Variants in NTM observed in about 807,000 individuals in gnomAD.
The protein encoded by NTM is IgLON family member 2.
NTM carries 13 observed loss-of-function variants against 42.1 expected under a neutral mutation model. The observed-to-expected ratio is 0.31, with a 90% CI of 0.20 to 0.49. The LOEUF is 0.49. Among genes scored for constraint, NTM ranks in the 20% least tolerant of loss-of-function variants. The probability of loss-of-function intolerance (pLI) is 0.99; values close to 1 mark genes in which losing one functional copy is unlikely to be tolerated. For synonymous variants in NTM, 187 were observed against 179.2 expected (o/e 1.04, Z -0.35); for missense variants, 373 against 452.8 (o/e 0.82, Z 1.60).
chr11:131,620,861 C>T (rs367742810), intron 1 of NTM, among the ~76,000 whole-genome samples: 8 of 152,238 alleles, frequency 5.3e-5, no homozygotes, highest in African/African-American at 7.2e-5. Context: ...TTTTGTCTGT[C>T]GGTCCACTAA....
chr11:131,947,323 T>C (rs926274340), intron 2 of NTM, among the ~76,000 whole-genome samples: 8 of 152,144 alleles, frequency 5.3e-5, no homozygotes, highest in Admixed American at 1.3e-4. Flanking sequence ...TGATGCTACT[T>C]ATCCTCTGCA....
rs556989836 is a variant in NTM, at chr11:131,789,017, G to T, written c.83-122547G>T. ...CTTGAGTGTTTCCTTCCAGGGGGCC[G>T]GGGTCTCTGCGTGGAGCACTCTCTG... On this transcript the variant is annotated intron_variant, in intron 1 of 8. Transcript: ENST00000683400. Among the ~76,000 whole-genome samples, 8 of 152,160 alleles carry T rather than the reference G, an allele frequency of 5.3e-5. No individual in the cohort carries two copies. In the South Asian group the frequency reaches 1.7e-3, roughly 32 times the overall value.
intron 2 of NTM, among the ~76,000 whole-genome samples, chr11:132,012,355 T>C (rs567254206): frequency 2.1e-4 from 32 of 152,324 alleles, no homozygotes; most frequent in Admixed American, 1.1e-3. Context: ...TGTCTTGTCA[T>C]TCCCACTGTA....
intron 1 of NTM, among the ~76,000 whole-genome samples, chr11:131,759,921 G>C (rs1369387057): frequency 1.3e-5 from 2 of 151,642 alleles, no homozygotes; most frequent in Admixed American, 6.6e-5. Context: ...CGATGTGAGA[G>C]TGTTAATGAA....
intron 1 of NTM, chr11:131,769,563 T>C (rs2085697192): frequency 1.1e-5 from 11 of 971,180 alleles, no homozygotes; most frequent in Non-Finnish European, 1.3e-5. Context: ...TCAAAATATG[T>C]GTATCTCATT....
At chr11:131,573,403 C>T (rs1225368873) in intron 1 of NTM, 1 of 152,150 alleles carries the variant, frequency 6.6e-6, no homozygotes, top group Admixed American at 6.5e-5. Flanking sequence ...CATAAACTAG[C>T]CTATGTGATA....
intron 1 of NTM, among the ~76,000 whole-genome samples, chr11:131,463,230 C>A (rs1951571747): frequency 6.6e-6 from 1 of 152,216 alleles, no homozygotes; most frequent in Non-Finnish European, 1.5e-5. Context: ...TGAGCACAAG[C>A]CTTGCTCTCC....
At chr11:131,409,674 T>C (rs908580148) in intron 1 of NTM, among the ~76,000 whole-genome samples, 2 of 152,130 alleles carry the variant, frequency 1.3e-5, no homozygotes, top group African/African-American at 4.8e-5. Flanking sequence ...GGAAATATTG[T>C]CTATAAAAGC....
At chr11:132,050,007 C>G (rs1013540754) in intron 2 of NTM, among the ~76,000 whole-genome samples, 15 of 152,142 alleles carry the variant, frequency 9.9e-5, no homozygotes, top group African/African-American at 2.9e-4. Flanking sequence ...AGCTTTCCCA[C>G]TGACCTTTAC....
At chr11:132,038,939 G>A (rs1396673336) in intron 2 of NTM, among the ~76,000 whole-genome samples, 2 of 152,106 alleles carry the variant, frequency 1.3e-5, no homozygotes, top group Non-Finnish European at 2.9e-5. Flanking sequence ...TTCCCAACAT[G>A]CTTCTTGTGT....
At chr11:131,929,328 G>A (rs1461109138) in intron 2 of NTM, among the ~76,000 whole-genome samples, 1 of 145,388 alleles carries the variant, frequency 6.9e-6, no homozygotes, top group Non-Finnish European at 1.5e-5. Flanking sequence ...ACCAACGGGG[G>A]GGCACATGTG....
chr11:131,409,495 C>G lies in NTM; in HGVS notation c.82+38607C>G, dbSNP rs572315159. ...GTGTCTCTGCCCCCGGGCAAGGACT[C>G]TACTGAGACTGAGGAGAAACAGAAA... is the stretch of plus-strand genomic sequence containing the variant. On this transcript the variant is annotated intron_variant, in intron 1 of 8. Transcript: ENST00000683400. Among the ~76,000 whole-genome samples the G allele has an allele frequency of 3.2e-4, 48 of 152,270 alleles. No individual in the cohort carries two copies. In the South Asian group the frequency reaches 7.3e-3, roughly 23 times the overall value.
At chr11:131,999,352 C>T (rs78905296) in intron 2 of NTM, among the ~76,000 whole-genome samples, 3,770 of 152,268 alleles carry the variant, frequency 0.025, 155 homozygotes, top group African/African-American at 0.086. Flanking sequence ...TCAAGCAGCA[C>T]GAGGTATCTT....
At chr11:132,237,805 C>T (rs1592432785) in intron 4 of NTM, among the ~76,000 whole-genome samples, 1 of 152,168 alleles carries the variant, frequency 6.6e-6, no homozygotes, top group South Asian at 2.1e-4. Context: ...TCATCCTCCC[C>T]GCTCAGCCAG....
At chr11:131,841,093 A>G (rs1565617566) in intron 1 of NTM, among the ~76,000 whole-genome samples, 1 of 152,236 alleles carries the variant, frequency 6.6e-6, no homozygotes, top group African/African-American at 2.4e-5. Context: ...AAGACATTTT[A>G]TAGGTCATGC....
chr11:131,598,013 A>G (rs1592166052), intron 1 of NTM, among the ~76,000 whole-genome samples: 1 of 152,202 alleles, frequency 6.6e-6, no homozygotes, highest in Admixed American at 6.5e-5. Context: ...ACAGGCCTCC[A>G]GCCCTTACGC....
At chr11:132,105,554 G>A (rs2062257317) in intron 2 of NTM, among the ~76,000 whole-genome samples, 1 of 152,282 alleles carries the variant, frequency 6.6e-6, no homozygotes, top group African/African-American at 2.4e-5. Context: ...AGGAGGAATG[G>A]AGAAAACAGT....
intron 4 of NTM, among the ~76,000 whole-genome samples, chr11:132,235,565 C>T (rs773159340): frequency 1.3e-5 from 2 of 152,136 alleles, no homozygotes; most frequent in African/African-American, 2.4e-5. Context: ...TTCTTCCTCT[C>T]CCTATGTAGC....
At chr11:131,987,244 C>T (rs2066208662) in intron 2 of NTM, among the ~76,000 whole-genome samples, 1 of 152,168 alleles carries the variant, frequency 6.6e-6, no homozygotes, top group African/African-American at 2.4e-5. Context: ...CAAAGTTGTT[C>T]ATACTAATCC....
Sources: allele counts gnomAD v4.1 joint callset (sites outside exome capture counted in the v4.1 genomes callset), GRCh38; gene constraint gnomAD v4.1.1; transcripts MANE v1.5; gene names NCBI Gene and HGNC (gene_info 2026-07-23, HGNC 2026-07-21).